AGBL3: variants seen among roughly 807,000 people sequenced by gnomAD.
The protein encoded by AGBL3 is AGBL carboxypeptidase 3, also known as cytosolic carboxypeptidase 3.
In AGBL3, 68 loss-of-function variants were observed where a neutral mutation model predicts 94.5. The observed-to-expected ratio is 0.72, with a 90% confidence interval of 0.59 to 0.88. The LOEUF is 0.88. AGBL3 is among the 40% of genes least tolerant of loss of function. The pLI, the probability that AGBL3 is intolerant of heterozygous loss-of-function variation, is 0.00. For missense variants in AGBL3, 934 were observed against 1,103.8 expected, an observed-to-expected ratio of 0.85 and a Z score of 2.18; for synonymous variants, 354 against 370.7, an observed-to-expected ratio of 0.95 and a Z score of 0.52.
At chr7:134,988,033 A>G (rs760849738) in intron 2 of AGBL3, 37 bp downstream of exon 2, 1 of 1,401,794 alleles carries the variant, frequency 7.1e-7, no homozygotes, top group Non-Finnish European at 9.8e-7. Flanking sequence ...TTGGAGATAA[A>G]ATTTGTATTA....
At chr7:134,998,468 C>T (rs948837365) in intron 4 of AGBL3, among the ~76,000 whole-genome samples, 2 of 152,132 alleles carry the variant, frequency 1.3e-5, no homozygotes, top group African/African-American at 4.8e-5. Context: ...TTGGCTATTT[C>T]TCCTATTTTT....
intron 16 of AGBL3, chr7:135,128,881 A>G (rs1385661781): frequency 3.7e-6 from 5 of 1,364,574 alleles, no homozygotes; most frequent in Non-Finnish European, 5.2e-6. Context: ...TTGGACTTTG[A>G]TCAAGCTCAG....
intron 3 of AGBL3, 59 bp downstream of exon 3, chr7:134,989,369 A>T: frequency 3.3e-6 from 4 of 1,199,424 alleles, no homozygotes; most frequent in Non-Finnish European, 4.6e-6. Flanking sequence ...ATAAAAAAGA[A>T]GATGAGGAAA....
intron 5 of AGBL3, among the ~76,000 whole-genome samples, chr7:135,021,485 G>A (rs1449111139): frequency 1.3e-5 from 2 of 151,578 alleles, no homozygotes; most frequent in African/African-American, 4.8e-5. Flanking sequence ...GTAGAGACGG[G>A]GTTTCACCGT....
At chr7:135,010,146 A>G in intron 4 of AGBL3, 1 of 403,728 alleles carries the variant, frequency 2.5e-6, no homozygotes, top group African/African-American at 2.2e-5. Flanking sequence ...CGCCTGCTTC[A>G]GCCTCCTGAG....
chr7:135,068,062 C>A lies in AGBL3; in HGVS notation c.1909-8335C>A, dbSNP rs1417304178. Reference sequence around the variant, plus strand: ...TTAAAGGACCTGATGGAGCTGAAAACCATGGCACAAGAACTACGTGATGAA... The same window carrying A: ...TTAAAGGACCTGATGGAGCTGAAAAACATGGCACAAGAACTACGTGATGAA... On this transcript the variant is annotated intron_variant, in intron 12 of 16. Transcript: ENST00000436302. Among the ~76,000 whole-genome samples the A allele has an allele frequency of 2.6e-5, 4 of 152,174 alleles. 1 individual carries two copies. The highest frequency in any genetic ancestry group is 9.7e-5 in the African/African-American group (4 of 41,436).
chr7:135,072,009 G>C (rs1234660946), intron 12 of AGBL3, among the ~76,000 whole-genome samples: 1 of 152,040 alleles, frequency 6.6e-6, no homozygotes, highest in African/African-American at 2.4e-5. Context: ...TTGCAATCTA[G>C]TCATCTGACA....
chr7:135,110,344 C>G (rs1254713828), intron 15 of AGBL3, among the ~76,000 whole-genome samples: 1 of 152,218 alleles, frequency 6.6e-6, no homozygotes, highest in Non-Finnish European at 1.5e-5. Context: ...TCTAACTTCC[C>G]ACTTTGCTGG....
rs113203729 is a variant in AGBL3, at chr7:135,043,321, T to C, written c.1501-704T>C. ...ACAACATGGATGGAACTGGAGATCA[T>C]TGTGTTAAATGAAATAAGCTAGGGA... On this transcript the variant is annotated intron_variant, in intron 8 of 16. Transcript: ENST00000436302. Among the ~76,000 whole-genome samples, 211 of 152,302 alleles carry C rather than the reference T, an allele frequency of 1.4e-3. 4 individuals carry two copies. The highest frequency in any genetic ancestry group is 4.7e-3 in the African/African-American group (197 of 41,568).
chr7:135,115,700 A>T, intron 16 of AGBL3, 89 bp downstream of exon 16: 1 of 1,125,488 alleles, frequency 8.9e-7, no homozygotes, highest in South Asian at 1.8e-5. Flanking sequence ...CTACGAAAAA[A>T]AAATCTGCTC....
At chr7:135,045,652 T>C (rs1563213495) in intron 10 of AGBL3, 78 bp downstream of exon 10, 3 of 1,403,170 alleles carry the variant, frequency 2.1e-6, no homozygotes, top group Non-Finnish European at 3.0e-6. Flanking sequence ...CTATGCAGTG[T>C]TTGCCTTTTA....
chr7:135,129,040 G>A, intron 16 of AGBL3: 1 of 1,608,726 alleles, frequency 6.2e-7, no homozygotes, highest in Non-Finnish European at 8.5e-7. Flanking sequence ...ATCAGAGATG[G>A]CCAGGTTCAA....
intron 16 of AGBL3, among the ~76,000 whole-genome samples, 176 bp from the exon 17 acceptor site, chr7:135,134,665 T>TAA (rs200672886): frequency 6.7e-6 from 1 of 148,978 alleles, no homozygotes; most frequent in Non-Finnish European, 1.5e-5. Flanking sequence ...GGAATAGTGC[T>TAA]AAAAAAAAAA....
At chr7:135,084,857 C>T (rs999682373) in intron 15 of AGBL3, among the ~76,000 whole-genome samples, 1 of 152,048 alleles carries the variant, frequency 6.6e-6, no homozygotes, top group African/African-American at 2.4e-5. Context: ...TGGATATATA[C>T]CCAGTAGTGG....
At chr7:135,043,063 A>G (rs1470404300) in intron 8 of AGBL3, among the ~76,000 whole-genome samples, 1 of 152,206 alleles carries the variant, frequency 6.6e-6, no homozygotes, top group Admixed American at 6.5e-5. Context: ...AAGATAAAGA[A>G]TCTTTATTTT....
At chr7:135,065,704 C>T (rs1819223291) in intron 12 of AGBL3, among the ~76,000 whole-genome samples, 1 of 152,118 alleles carries the variant, frequency 6.6e-6, no homozygotes, top group Admixed American at 6.5e-5. Flanking sequence ...CCAGCCTAGG[C>T]AACAGAGTGA....
In AGBL3 at chr7:135,135,002, G is replaced by T; in HGVS notation, c.2504G>T (p.Gly835Val). 1 of 1,551,046 alleles carries T rather than the reference G, an allele frequency of 6.4e-7. No homozygotes were observed. Among genetic ancestry groups the T allele is most frequent in the Non-Finnish European group, 8.7e-7 (1 of 1,146,630 alleles). Reference protein sequence around the residue: ...RSLESLSPLKGPKKNKHSQIW... With the variant: ...RSLESLSPLKVPKKNKHSQIW... Reference sequence around the variant, plus strand: ...TTGGAAAGTTTATCACCTCTCAAAGGCCCCAAGAAGAATAAACATTCTCAA... The same window carrying T: ...TTGGAAAGTTTATCACCTCTCAAAGTCCCCAAGAAGAATAAACATTCTCAA... Residue 835 changes from glycine (G) to valine (V), a missense_variant, in exon 17 of 17, where the codon GGC (glycine) becomes GTC (valine). Transcript: ENST00000436302.
intron 3 of AGBL3, among the ~76,000 whole-genome samples, chr7:134,992,062 T>A (rs1270611765): frequency 6.6e-6 from 1 of 152,258 alleles, no homozygotes; most frequent in Non-Finnish European, 1.5e-5. Context: ...AGAGAAGGCC[T>A]TTATAAGACT....
At chr7:135,065,133 CA>C (rs1296066625) in intron 12 of AGBL3, among the ~76,000 whole-genome samples, 1 of 152,116 alleles carries the variant, frequency 6.6e-6, no homozygotes, top group Non-Finnish European at 1.5e-5. Context: ...ACATTTTTAA[CA>C]AAGAGGTGAA....
Sources: gnomAD v4.1 joint callset for allele counts (sites outside exome capture counted in the v4.1 genomes callset) on GRCh38, gnomAD v4.1.1 for gene constraint, MANE v1.5 for transcripts, NCBI Gene and HGNC (gene_info 2026-07-23, HGNC 2026-07-21) for gene names.